Variants in MTBP observed in about 807,000 individuals in gnomAD.
MTBP encodes the protein MDM2 binding protein, also known as mdm2-binding protein.
In MTBP, 101 loss-of-function variants were observed where a neutral mutation model predicts 117.0. That is an observed-to-expected ratio of 0.86 (90% CI 0.73 to 1.02). The LOEUF is 1.02. Among genes scored for constraint, MTBP ranks in the 50% least tolerant of loss-of-function variants. The probability of loss-of-function intolerance (pLI) is 0.00; values close to 1 mark genes in which losing one functional copy is unlikely to be tolerated. For synonymous variants in MTBP, 350 were observed against 351.5 expected, an observed-to-expected ratio of 1.00 and a Z score of 0.05; for missense variants, 970 against 1,030.9, an observed-to-expected ratio of 0.94 and a Z score of 0.81.
intron 11 of MTBP, chr8:120,471,928 C>T (rs1813824871): frequency 6.6e-6 from 1 of 152,096 alleles, no homozygotes; most frequent in Non-Finnish European, 1.5e-5. Flanking sequence ...AAGTCCAAAC[C>T]CTAGTATTTC....
chr8:120,456,837 G>A (rs777477675), intron 7 of MTBP, among the ~76,000 whole-genome samples, 167 bp downstream of exon 7: 2 of 152,012 alleles, frequency 1.3e-5, no homozygotes, highest in Non-Finnish European at 2.9e-5. Flanking sequence ...TAATACACTA[G>A]CCTACAAACC....
intron 7 of MTBP, among the ~76,000 whole-genome samples, chr8:120,457,205 A>G (rs1813487294): frequency 1.3e-5 from 2 of 152,150 alleles, no homozygotes; most frequent in African/African-American, 4.8e-5. Flanking sequence ...AGAATGTTGT[A>G]TTAGGTGGAC....
In MTBP at chr8:120,506,753, AG is replaced by A; in HGVS notation, c.1778del (p.Gly593ValfsTer15). ...HSSEQLLGHK[E>X]GPRDSITLLD... ...TCTGAACAGTTGCTGGGCCACAAAG[AG>A]GGTCCTCGGGACTCAATCACATTGT... On this transcript the variant is annotated frameshift_variant, in exon 16 of 22. Transcript: ENST00000305949. LOFTEE classifies it high-confidence loss of function. 1 of 1,613,258 alleles carries A rather than the reference AG, an allele frequency of 6.2e-7. No homozygotes were observed. The highest frequency in any genetic ancestry group is 8.5e-7 in the Non-Finnish European group (1 of 1,179,596).
intron 9 of MTBP, among the ~76,000 whole-genome samples, chr8:120,461,958 G>A (rs143996979): frequency 6.6e-6 from 1 of 152,086 alleles, no homozygotes; most frequent in Non-Finnish European, 1.5e-5. Context: ...GTTCTTTGCT[G>A]CAGAAAAGAT....
chr8:120,476,658 A>G (rs933379036), intron 11 of MTBP, among the ~76,000 whole-genome samples: 2 of 151,388 alleles, frequency 1.3e-5, no homozygotes, highest in Non-Finnish European at 3.0e-5. Context: ...CACAATTGCT[A>G]CAAAGAGAAT....
intron 11 of MTBP, among the ~76,000 whole-genome samples, chr8:120,480,484 A>C (rs1226978410): frequency 6.6e-6 from 1 of 152,186 alleles, no homozygotes; most frequent in African/African-American, 2.4e-5. Context: ...AATGGCCAGA[A>C]CAATTTTGAA....
Position 120,523,289 on chromosome 8 carries a change from T to C in MTBP, c.2677-9T>C. On this transcript the variant is annotated splice_polypyrimidine_tract_variant and intron_variant, in intron 21 of 21. Transcript: ENST00000305949. Reference sequence around the variant, plus strand: ...AAATCTTCTGTAATCATATTTTTTCTCCCCCTAGGTGATTGACTGGGTATT... The same window carrying C: ...AAATCTTCTGTAATCATATTTTTTCCCCCCCTAGGTGATTGACTGGGTATT... 6.5e-7 allele frequency: 1 copy of C among 1,528,164 alleles called. No individual in the cohort carries two copies. Among genetic ancestry groups the C allele is most frequent in the African/African-American group, 1.4e-5 (1 of 71,796 alleles). The allele number at this position is 1,528,164 out of a possible 1,614,324, so 94.7% of individuals were successfully genotyped here.
At chr8:120,465,870 G>A (rs1170625884) in intron 10 of MTBP, among the ~76,000 whole-genome samples, 1 of 151,946 alleles carries the variant, frequency 6.6e-6, no homozygotes, top group African/African-American at 2.4e-5. Context: ...TGTACCTATA[G>A]TTTAACACAG....
rs1563796113 is a variant in MTBP, at chr8:120,484,427, A to G, written c.1166-3732A>G. ...TATAACCCACGGTATCTTCCTATCT[A>G]TGAAATAAACTGTAGCTATTGTAAT... is the stretch of plus-strand genomic sequence containing the variant. On this transcript the variant is annotated intron_variant, in intron 11 of 21. Coordinates refer to ENST00000305949, the MANE Select transcript of MTBP (RefSeq NM_022045.5). Among the ~76,000 whole-genome samples the G allele has an allele frequency of 3.3e-5, 5 of 152,260 alleles. No individual in the cohort carries two copies. In the South Asian group the frequency reaches 8.3e-4, roughly 25 times the overall value.
Position 120,490,654 on chromosome 8 carries a change from C to T in MTBP, c.1447+84C>T, listed in dbSNP as rs963691941. The T allele has an allele frequency of 1.0e-5, 8 of 774,100 alleles. No homozygotes were observed. The Admixed American group carries it at 2.2e-4, about 21-fold the overall frequency. 48.0% of individuals were successfully genotyped at this position (774,100 alleles called of 1,614,324 possible). On this transcript the variant is annotated intron_variant, in intron 13 of 21. Transcript: ENST00000305949. ...AGCTACCTTTATTTGCACACTTTTT[C>T]ATATATAGTTTATCTTTTAGTTATG...
chr8:120,480,121 G>C (rs2130565216), intron 11 of MTBP, among the ~76,000 whole-genome samples: 1 of 151,354 alleles, frequency 6.6e-6, no homozygotes, highest in East Asian at 1.9e-4. Context: ...TATTAAGATA[G>C]AACTCCAAAT....
At chr8:120,498,831 A>G (rs1345405771) in intron 14 of MTBP, among the ~76,000 whole-genome samples, 2 of 152,148 alleles carry the variant, frequency 1.3e-5, no homozygotes, top group African/African-American at 4.8e-5. Flanking sequence ...GCAAACTGAG[A>G]TCAAGAGAGA....
chr8:120,463,563 C>T (rs1270669810), intron 9 of MTBP, 129 bp from the exon 10 acceptor site: 1 of 677,044 alleles, frequency 1.5e-6, no homozygotes, highest in Non-Finnish European at 2.4e-6. Flanking sequence ...TAATTGTTAA[C>T]TGCTACAGTT....
chr8:120,496,975 CT>C (rs1814479268), intron 13 of MTBP, among the ~76,000 whole-genome samples: 1 of 152,198 alleles, frequency 6.6e-6, no homozygotes, highest in African/African-American at 2.4e-5. Flanking sequence ...ATCATTCCTT[CT>C]TTTGTTCTCC....
At position 120,462,602 on chromosome 8, in the gene MTBP, G is replaced by A. The variant is rs545938144; in HGVS notation, c.978-1090G>A. On this transcript the variant is annotated intron_variant, in intron 9 of 21. Coordinates refer to ENST00000305949, the MANE Select transcript of MTBP (RefSeq NM_022045.5). Reference sequence around the variant, plus strand: ...ATGCTACCTGGCAGTATAACTAGACGTTACTTTCAGATATAATCTATTATT... The same window carrying A: ...ATGCTACCTGGCAGTATAACTAGACATTACTTTCAGATATAATCTATTATT... Among the ~76,000 whole-genome samples the A allele has an allele frequency of 1.6e-3, 237 of 152,226 alleles. 1 individual carries two copies. Among genetic ancestry groups the A allele is most frequent in the African/African-American group, 5.5e-3 (227 of 41,558 alleles).
intron 14 of MTBP, among the ~76,000 whole-genome samples, chr8:120,499,314 T>G (rs1442203209): frequency 1.3e-5 from 2 of 152,190 alleles, no homozygotes; most frequent in African/African-American, 4.8e-5. Context: ...GATCTTGATT[T>G]AAATGTAACT....
In MTBP at chr8:120,459,353, A is replaced by G. The variant is rs1417587646; in HGVS notation, c.882+4A>G. ...GGATAAGAATATTTTGCCAAAGGTA[A>G]TCGTGTTTAATTTTTTTGTGTGATC... On this transcript the variant is annotated splice_donor_region_variant and intron_variant, in intron 8 of 21. Coordinates refer to ENST00000305949, the MANE Select transcript of MTBP (RefSeq NM_022045.5). 15 of 1,590,764 alleles carry G rather than the reference A, an allele frequency of 9.4e-6. No individual in the cohort carries two copies. In the Admixed American group the frequency reaches 2.8e-4, roughly 29 times the overall value.
At chr8:120,448,240 C>T (rs1451271097) in intron 2 of MTBP, among the ~76,000 whole-genome samples, 1 of 152,128 alleles carries the variant, frequency 6.6e-6, no homozygotes, top group African/African-American at 2.4e-5. Context: ...CCTGGACTTT[C>T]AATGTTGTGA....
At chr8:120,471,934 A>G (rs191129686) in intron 11 of MTBP, 3 of 152,302 alleles carry the variant, frequency 2.0e-5, no homozygotes, top group Admixed American at 1.3e-4. Flanking sequence ...AAACCCTAGT[A>G]TTTCATGAGG....
Sources: gnomAD v4.1 joint callset for allele counts (sites outside exome capture counted in the v4.1 genomes callset) on GRCh38, gnomAD v4.1.1 for gene constraint, MANE v1.5 for transcripts, NCBI Gene and HGNC (gene_info 2026-07-23, HGNC 2026-07-21) for gene names.